ONECUT2: variants seen among roughly 807,000 people sequenced by gnomAD.
The protein encoded by ONECUT2 is one cut homeobox 2.
Under a neutral mutation model 27.9 loss-of-function variants are expected in ONECUT2, and 10 were observed. The ratio of observed to expected loss-of-function variants is 0.36; its 90% CI spans 0.22 to 0.61. The LOEUF (loss-of-function observed/expected upper bound fraction) is 0.61. Among genes scored for constraint, ONECUT2 ranks in the 20% least tolerant of loss-of-function variants. The pLI, the probability that ONECUT2 is intolerant of heterozygous loss-of-function variation, is 0.73. For synonymous variants in ONECUT2, 334 were observed against 315.1 expected (o/e 1.06, Z -0.64); for missense variants, 686 against 721.0 (o/e 0.95, Z 0.56).
At chr18:57,445,812 T>TA (rs1734977387) in intron 1 of ONECUT2, among the ~76,000 whole-genome samples, 1 of 152,188 alleles carries the variant, frequency 6.6e-6, no homozygotes, top group South Asian at 2.1e-4. Flanking sequence ...ATCACTTGTT[T>TA]AAAAAACCAA....
At chr18:57,437,970 G>C (rs977442926) in intron 1 of ONECUT2, among the ~76,000 whole-genome samples, 5 of 152,380 alleles carry the variant, frequency 3.3e-5, no homozygotes, top group Admixed American at 2.6e-4. Flanking sequence ...GGGAGGGGAC[G>C]GGTAGAGGCG....
chr18:57,454,930 A>G (rs117133471), intron 1 of ONECUT2, among the ~76,000 whole-genome samples: 139 of 152,348 alleles, frequency 9.1e-4, no homozygotes, highest in Non-Finnish European at 1.6e-3. Flanking sequence ...CAAGTGTGGT[A>G]TGTATTGAGC....
intron 1 of ONECUT2, among the ~76,000 whole-genome samples, chr18:57,448,094 GAT>G (rs1234862539): frequency 6.6e-6 from 1 of 152,188 alleles, no homozygotes; most frequent in African/African-American, 2.4e-5. Flanking sequence ...AGAGAAAAGA[GAT>G]AGGAGAGTCC....
intron 1 of ONECUT2, among the ~76,000 whole-genome samples, chr18:57,462,723 C>CTTTTTT (rs57032206): frequency 6.2e-4 from 43 of 68,988 alleles, no homozygotes; most frequent in African/African-American, 1.1e-3. Context: ...TATTTTCTTT[C>CTTTTTT]TTTTTTTTTT....
In ONECUT2 at chr18:57,436,325, G is replaced by A. The variant is rs946453312; in HGVS notation, c.609G>A (p.Gly203=). 5 of 1,604,388 alleles carry A rather than the reference G, an allele frequency of 3.1e-6. No individual in the cohort carries two copies. In the African/African-American group the frequency reaches 5.3e-5, roughly 17 times the overall value. The stretch of plus-strand genomic sequence containing the variant: ...TCACCCTCATGCGCGACGAGCGCGG[G>A]CTCCCGGCCATGAACAACCTCTACA... The part of the protein sequence containing the change: ...GSFTLMRDER[G]LPAMNNLYSP... Residue 203 remains glycine (G), a synonymous_variant, in exon 1 of 2, where the codon GGG becomes GGA. Transcript: ENST00000491143. This position sits in a 1 kb window ranked among gnomAD's most constrained non-coding sequence, Gnocchi z 5.9.
intron 1 of ONECUT2, among the ~76,000 whole-genome samples, chr18:57,452,352 A>G (rs770305059): frequency 6.6e-6 from 1 of 152,220 alleles, no homozygotes; most frequent in Non-Finnish European, 1.5e-5. Flanking sequence ...CCACTGCTCT[A>G]GTGTCCCAAT....
At chr18:57,449,217 A>T (rs965882236) in intron 1 of ONECUT2, among the ~76,000 whole-genome samples, 1 of 152,232 alleles carries the variant, frequency 6.6e-6, no homozygotes, top group Non-Finnish European at 1.5e-5. Flanking sequence ...TGCATTTAGA[A>T]CATAGATAGG....
At chr18:57,470,647 A>T (rs1230812820) in intron 1 of ONECUT2, among the ~76,000 whole-genome samples, 1 of 152,142 alleles carries the variant, frequency 6.6e-6, no homozygotes, top group Non-Finnish European at 1.5e-5. Flanking sequence ...GGTGCCTTGA[A>T]GAGCTAACAC....
intron 1 of ONECUT2, among the ~76,000 whole-genome samples, chr18:57,472,768 A>G (rs1245829681): frequency 1.3e-5 from 2 of 152,214 alleles, no homozygotes; most frequent in African/African-American, 4.8e-5. Context: ...GCCAATGTGG[A>G]CCTGTACCCA....
At chr18:57,439,713 G>A (rs959263005) in intron 1 of ONECUT2, among the ~76,000 whole-genome samples, 1 of 152,118 alleles carries the variant, frequency 6.6e-6, no homozygotes, top group African/African-American at 2.4e-5. Context: ...GTTGGGCCCC[G>A]GGGGTTTAAC....
At chr18:57,446,895 G>A (rs1407891585) in intron 1 of ONECUT2, among the ~76,000 whole-genome samples, 1 of 152,180 alleles carries the variant, frequency 6.6e-6, no homozygotes, top group Non-Finnish European at 1.5e-5. Context: ...ATGATTATGT[G>A]TGGAAGAAAA....
rs369539418 is a variant in ONECUT2, at chr18:57,442,390, T to C, written c.1228+5446T>C. 2.0e-4 allele frequency among the ~76,000 whole-genome samples: 30 copies of C among 151,996 alleles called. 1 individual carries two copies. In the South Asian group the frequency reaches 6.2e-3, roughly 32 times the overall value. ...TTAATAAGAGGAAGGAAAAGAGAGA[T>C]GGGAAAGCAAATCGTGCATTGTTCT... On this transcript the variant is annotated intron_variant, in intron 1 of 1. Transcript: ENST00000491143.
At position 57,476,997 on chromosome 18, in the gene ONECUT2, C is replaced by A. The variant is rs1169402868; in HGVS notation, c.*274C>A. ...CTGAGCATGCTAAGCATCCCAGAAACCCAAATGGGGCCTTCCTGGAGCGAG... is the reference window on the plus strand; with the variant it reads ...CTGAGCATGCTAAGCATCCCAGAAAACCAAATGGGGCCTTCCTGGAGCGAG... On this transcript the variant is annotated 3_prime_UTR_variant, in exon 2 of 2. Coordinates refer to ENST00000491143, the MANE Select transcript of ONECUT2 (RefSeq NM_004852.3). 4 of 448,728 alleles carry A rather than the reference C, an allele frequency of 8.9e-6. No homozygotes were observed. Among genetic ancestry groups the A allele is most frequent in the African/African-American group, 7.9e-5 (4 of 50,690 alleles). The allele number at this position is 448,728 out of a possible 1,614,324, so 27.8% of individuals were successfully genotyped here.
chr18:57,436,880 C>T lies in ONECUT2; in HGVS notation c.1164C>T (p.Phe388=). The T allele has an allele frequency of 1.2e-6, 2 of 1,613,648 alleles. No homozygotes were observed. Among genetic ancestry groups the T allele is most frequent in the Non-Finnish European group, 1.7e-6 (2 of 1,179,972 alleles). Residue 388 remains phenylalanine, a synonymous_variant, in exon 1 of 2, where the codon TTC becomes TTT. Transcript: ENST00000491143. This position sits in a 1 kb window ranked among gnomAD's most constrained non-coding sequence, Gnocchi z 5.9. ...WSKLKSGRET[F]RRMWKWLQEP... ...AACTCAAATCTGGCAGGGAGACCTT[C>T]CGCAGGATGTGGAAGTGGCTTCAGG...
At chr18:57,449,190 T>C (rs552221209) in intron 1 of ONECUT2, among the ~76,000 whole-genome samples, 5 of 152,368 alleles carry the variant, frequency 3.3e-5, no homozygotes, top group Non-Finnish European at 7.3e-5. Flanking sequence ...GGGATCTCTT[T>C]GGACCATCCC....
intron 1 of ONECUT2, among the ~76,000 whole-genome samples, chr18:57,466,472 T>C (rs2050321871): frequency 6.6e-6 from 1 of 152,226 alleles, no homozygotes; most frequent in Non-Finnish European, 1.5e-5. Context: ...TTAAGCCAGA[T>C]GTTTGTATCT....
In ONECUT2 at chr18:57,436,074, C is replaced by T; in HGVS notation, c.358C>T (p.Arg120Trp). The change falls in exon 1 of 2, where the codon CGG becomes TGG. Residue 120 changes from arginine (R) to tryptophan (W), a missense_variant. This residue lies in a region of ONECUT2 where 511 missense variants were observed against 488.1 expected (regional missense o/e 1.05). Transcript: ENST00000491143. The surrounding 1 kb of genome is among the most constrained non-coding windows in gnomAD (Gnocchi z 5.9). ...MASILDGGDY[R>W]PELSIPLHHA... ...CTCGATCCTGGACGGCGGCGACTAC[C>T]GGCCCGAGCTCTCCATCCCGCTGCA... 6.3e-7 allele frequency: 1 copy of T among 1,597,034 alleles called. No homozygotes were observed. Among genetic ancestry groups the T allele is most frequent in the Non-Finnish European group, 8.5e-7 (1 of 1,178,060 alleles).
chr18:57,466,167 G>A (rs551818344), intron 1 of ONECUT2, among the ~76,000 whole-genome samples: 4 of 152,250 alleles, frequency 2.6e-5, no homozygotes, highest in Admixed American at 2.6e-4. Flanking sequence ...GGAAGGGAGT[G>A]GGGAGTACTC....
intron 1 of ONECUT2, among the ~76,000 whole-genome samples, chr18:57,474,376 G>C (rs1446718658): frequency 1.3e-5 from 2 of 152,112 alleles, no homozygotes; most frequent in Non-Finnish European, 2.9e-5. Flanking sequence ...GTCTGTTAAG[G>C]CTCCAGTAAC....
Sources: allele counts gnomAD v4.1 joint callset (sites outside exome capture counted in the v4.1 genomes callset), GRCh38; gene constraint gnomAD v4.1.1; regional missense constraint gnomAD v4.1.1; non-coding constraint Gnocchi (gnomAD v3.1); transcripts MANE v1.5; gene names NCBI Gene and HGNC (gene_info 2026-07-23, HGNC 2026-07-21).